Variants in CNTNAP2 observed in about 807,000 individuals in gnomAD.
CNTNAP2 encodes contactin associated protein 2, also known as contactin-associated protein-like 2.
Under a neutral mutation model 155.2 loss-of-function variants are expected in CNTNAP2, and 98 were observed. That is an observed-to-expected ratio of 0.63 (90% CI 0.54 to 0.75). CNTNAP2 has a LOEUF of 0.75. CNTNAP2 is among the 30% of genes least tolerant of loss of function. CNTNAP2 has a pLI of 0.00. For synonymous variants in CNTNAP2, 651 were observed against 631.2 expected (o/e 1.03, Z -0.47); for missense variants, 1,727 against 1,688.1 (o/e 1.02, Z -0.40).
intron 3 of CNTNAP2, among the ~76,000 whole-genome samples, chr7:147,039,407 T>G (rs1211683809): frequency 1.3e-5 from 2 of 152,156 alleles, no homozygotes; most frequent in Non-Finnish European, 2.9e-5. Context: ...GCTGTTTCCT[T>G]CTTTGTGTTT....
intron 3 of CNTNAP2, among the ~76,000 whole-genome samples, chr7:146,960,358 G>A (rs1435873856): frequency 1.3e-5 from 2 of 152,130 alleles, no homozygotes; most frequent in Non-Finnish European, 2.9e-5. Flanking sequence ...TTTGACAGCT[G>A]GGTCTCAGAG....
intron 3 of CNTNAP2, among the ~76,000 whole-genome samples, chr7:147,010,814 G>A (rs1056092036): frequency 1.3e-5 from 2 of 152,012 alleles, no homozygotes; most frequent in African/African-American, 4.8e-5. Flanking sequence ...GAAATATACT[G>A]GCTGAGAAAA....
intron 13 of CNTNAP2, among the ~76,000 whole-genome samples, chr7:147,682,254 G>A (rs1004734535): frequency 2.0e-5 from 3 of 151,822 alleles, no homozygotes; most frequent in African/African-American, 7.3e-5. Context: ...ATTTCCTTAT[G>A]CATTTAAGAT....
At chr7:146,924,035 G>A (rs998852292) in intron 3 of CNTNAP2, among the ~76,000 whole-genome samples, 1 of 151,640 alleles carries the variant, frequency 6.6e-6, no homozygotes, top group African/African-American at 2.4e-5. Flanking sequence ...TAAAGTATAT[G>A]TTTTTTTTCT....
At chr7:147,225,332 T>C (rs1466966839) in intron 8 of CNTNAP2, among the ~76,000 whole-genome samples, 1 of 152,168 alleles carries the variant, frequency 6.6e-6, no homozygotes, top group Non-Finnish European at 1.5e-5. Flanking sequence ...GTTTTAAATA[T>C]TTATAACCTG....
At chr7:146,384,236 A>G (rs1299241331) in intron 1 of CNTNAP2, among the ~76,000 whole-genome samples, 1 of 152,234 alleles carries the variant, frequency 6.6e-6, no homozygotes, top group Non-Finnish European at 1.5e-5. Context: ...AAAAATTAGC[A>G]AAGTTAATGC....
chr7:147,491,827 G>T (rs1798614513), intron 11 of CNTNAP2, among the ~76,000 whole-genome samples: 1 of 152,054 alleles, frequency 6.6e-6, no homozygotes, highest in African/African-American at 2.4e-5. Flanking sequence ...TAAATGGAAG[G>T]CAGGGTACTA....
At chr7:147,930,180 C>A (rs1474601589) in intron 14 of CNTNAP2, among the ~76,000 whole-genome samples, 1 of 151,314 alleles carries the variant, frequency 6.6e-6, no homozygotes, top group African/African-American at 2.4e-5. Flanking sequence ...AAATACAAGA[C>A]AAACAAACAA....
chr7:147,929,384 G>T (rs570024689), intron 14 of CNTNAP2, among the ~76,000 whole-genome samples: 1 of 152,304 alleles, frequency 6.6e-6, no homozygotes, highest in South Asian at 2.1e-4. Flanking sequence ...GAACACAGCT[G>T]TGTAGATACC....
chr7:147,980,653 G>A (rs915609189), intron 15 of CNTNAP2, among the ~76,000 whole-genome samples: 2 of 151,822 alleles, frequency 1.3e-5, no homozygotes, highest in Non-Finnish European at 2.9e-5. Flanking sequence ...GGCCGGGCGC[G>A]GTGGCTCACA....
chr7:146,911,532 C>T (rs1341108528), intron 3 of CNTNAP2, among the ~76,000 whole-genome samples: 2 of 151,660 alleles, frequency 1.3e-5, no homozygotes, highest in African/African-American at 4.9e-5. Context: ...TGGAAATCAT[C>T]ATTCTCAGTA....
chr7:146,861,210 G>GCCC (rs1795092235), intron 3 of CNTNAP2, among the ~76,000 whole-genome samples: 1 of 151,782 alleles, frequency 6.6e-6, no homozygotes. Context: ...ACAGGCTCAT[G>GCCC]CCCAGCTAAT....
At chr7:148,118,060 A>G in intron 15 of CNTNAP2, 58 bp from the exon 16 acceptor site, 1 of 1,578,676 alleles carries the variant, frequency 6.3e-7, no homozygotes, top group Non-Finnish European at 8.7e-7. Flanking sequence ...GGTATCTGTT[A>G]CATGACTAGG....
At chr7:147,994,375 A>AAC (rs1282247140) in intron 15 of CNTNAP2, among the ~76,000 whole-genome samples, 2 of 151,784 alleles carry the variant, frequency 1.3e-5, no homozygotes, top group Non-Finnish European at 2.9e-5. Context: ...GTCTCAAAAA[A>AAC]AAAAAAAAAG....
chr7:147,798,736 T>TCA (rs1797941031), intron 13 of CNTNAP2, among the ~76,000 whole-genome samples: 1 of 152,198 alleles, frequency 6.6e-6, no homozygotes, highest in African/African-American at 2.4e-5. Flanking sequence ...ATGATTGATT[T>TCA]AGACAAATCA....
intron 14 of CNTNAP2, among the ~76,000 whole-genome samples, chr7:147,947,065 C>T (rs1396610818): frequency 1.3e-5 from 2 of 152,092 alleles, no homozygotes; most frequent in African/African-American, 2.4e-5. Context: ...TTCCTCTGAG[C>T]TCTAGGACAG....
At chr7:146,925,249 C>T (rs1796583573) in intron 3 of CNTNAP2, among the ~76,000 whole-genome samples, 1 of 152,040 alleles carries the variant, frequency 6.6e-6, no homozygotes, top group Non-Finnish European at 1.5e-5. Flanking sequence ...ATATAAATCG[C>T]ACCTTTATTT....
intron 14 of CNTNAP2, among the ~76,000 whole-genome samples, chr7:147,925,753 G>A (rs1475308836): frequency 2.0e-5 from 3 of 152,162 alleles, no homozygotes; most frequent in South Asian, 2.1e-4. Context: ...GAGCCACCAC[G>A]CCCGGCCATT....
intron 13 of CNTNAP2, among the ~76,000 whole-genome samples, chr7:147,790,114 T>C (rs111772390): frequency 9.8e-5 from 15 of 152,318 alleles, no homozygotes; most frequent in African/African-American, 3.6e-4. Context: ...TAGAAGGTTC[T>C]TTCCCCAAAT....
Sources: gnomAD v4.1 joint callset for allele counts (sites outside exome capture counted in the v4.1 genomes callset) on GRCh38, gnomAD v4.1.1 for gene constraint, MANE v1.5 for transcripts, NCBI Gene and HGNC (gene_info 2026-07-23, HGNC 2026-07-21) for gene names.